MSANTD2: variants seen among roughly 807,000 people sequenced by gnomAD.
The protein encoded by MSANTD2 is myb/SANT-like DNA-binding domain-containing protein 2.
Under a neutral mutation model 52.6 loss-of-function variants are expected in MSANTD2, and 19 were observed. The ratio of observed to expected loss-of-function variants is 0.36; its 90% CI spans 0.25 to 0.53. MSANTD2 has a LOEUF of 0.53. MSANTD2 is among the 20% of genes least tolerant of loss of function. The pLI is 0.91. For synonymous variants in MSANTD2, 291 were observed against 289.7 expected (o/e 1.00, Z -0.04); for missense variants, 558 against 716.3 (o/e 0.78, Z 2.52).
Position 124,800,009 on chromosome 11 carries a change from C to T in MSANTD2, c.372G>A (p.Ala124=), listed in dbSNP as rs1190769626. 2.5e-6 allele frequency: 4 copies of T among 1,582,606 alleles called. No homozygotes were observed. Among genetic ancestry groups the T allele is most frequent in the Non-Finnish European group, 3.4e-6 (4 of 1,173,962 alleles). ...CGGCTCCCTCCAGCTGCTGGTACCG[C>T]GCCTCCACCAGCCGCTCGTTGCCCC... is the stretch of plus-strand genomic sequence containing the variant. The part of the protein sequence containing the change: ...AVWGNERLVE[A]RYQQLEGAGT... Residue 124 remains alanine, a synonymous_variant, in exon 1 of 4, where the codon GCG becomes GCA. Transcript: ENST00000374979. This position sits in a 1 kb window ranked among gnomAD's most constrained non-coding sequence, Gnocchi z 4.3.
At chr11:124,791,477 G>T in intron 1 of MSANTD2, 1 of 1,133,136 alleles carries the variant, frequency 8.8e-7, no homozygotes. Flanking sequence ...GGTCAGGCGA[G>T]TCACTCTCCT....
chr11:124,774,780 T>G lies in MSANTD2; in HGVS notation c.705A>C (p.Ser235=). ...GACTGTGGTTTCCCCAGTCCTCCTG[T>G]GAATAGTCCTCCATAGTGCTGCCAT... ...ESDGSTMEDY[S]QEDWGNHSQD... The change falls in exon 2 of 4, where the codon TCA becomes TCC. Residue 235 remains serine (S), a synonymous_variant. Transcript: ENST00000374979. This position sits in a 1 kb window ranked among gnomAD's most constrained non-coding sequence, Gnocchi z 5.1. 1 of 1,614,222 alleles carries G rather than the reference T, an allele frequency of 6.2e-7. No individual in the cohort carries two copies. The highest frequency in any genetic ancestry group is 1.3e-5 in the African/African-American group (1 of 75,050).
chr11:124,793,872 G>GC (rs1025630395), intron 1 of MSANTD2, among the ~76,000 whole-genome samples: 20 of 152,056 alleles, frequency 1.3e-4, no homozygotes, highest in Non-Finnish European at 2.5e-4. Flanking sequence ...GGAACTTTGA[G>GC]CTCCCCCTAG....
In MSANTD2 at chr11:124,777,331, G is replaced by C. The variant is rs114033725; in HGVS notation, c.511-2357C>G. Among the ~76,000 whole-genome samples, 61 of 152,302 alleles carry C rather than the reference G, an allele frequency of 4.0e-4. 1 individual carries two copies. The South Asian group carries it at 0.011, about 27-fold the overall frequency. On this transcript the variant is annotated intron_variant, in intron 1 of 3. Coordinates refer to ENST00000374979, the MANE Select transcript of MSANTD2 (RefSeq NM_001308027.2). The stretch of plus-strand genomic sequence containing the variant: ...AGCATTCAGCACACACAAGGGCCCA[G>C]TTGGCTCTGTTGCTGACGGTTATTT...
chr11:124,784,413 G>A (rs1293165995), intron 1 of MSANTD2: 21 of 985,154 alleles, frequency 2.1e-5, no homozygotes, highest in Non-Finnish European at 2.5e-5. Flanking sequence ...ACCAGTCTTC[G>A]TTAAAGTACT....
intron 1 of MSANTD2, chr11:124,790,985 T>C (rs1945313773): frequency 2.7e-6 from 1 of 374,482 alleles, no homozygotes. Flanking sequence ...AGTCCTCTTT[T>C]ATTTAACTGT....
At chr11:124,798,262 T>TAAAAAA (rs1945560246) in intron 1 of MSANTD2, among the ~76,000 whole-genome samples, 1 of 116,616 alleles carries the variant, frequency 8.6e-6, no homozygotes, top group African/African-American at 4.4e-5. Context: ...AAAAAAAAAT[T>TAAAAAA]TAATGAGCCA....
chr11:124,785,494 T>C (rs970286929), intron 1 of MSANTD2, among the ~76,000 whole-genome samples: 1 of 152,214 alleles, frequency 6.6e-6, no homozygotes, highest in Non-Finnish European at 1.5e-5. Flanking sequence ...CAATGAGGTA[T>C]GGAACTCAGG....
At chr11:124,770,640 C>T (rs538027994) in intron 3 of MSANTD2, among the ~76,000 whole-genome samples, 16 of 152,154 alleles carry the variant, frequency 1.1e-4, no homozygotes, top group Admixed American at 2.0e-4. Flanking sequence ...GAGTCTTACT[C>T]TGTTATCCAG....
At chr11:124,769,591 T>C (rs1372008050) in intron 3 of MSANTD2, among the ~76,000 whole-genome samples, 2 of 152,160 alleles carry the variant, frequency 1.3e-5, no homozygotes, top group Non-Finnish European at 2.9e-5. Context: ...TGCTAAGGAG[T>C]TGGGATGGAG....
chr11:124,787,633 G>A (rs966729784), intron 1 of MSANTD2, among the ~76,000 whole-genome samples: 2 of 152,212 alleles, frequency 1.3e-5, no homozygotes, highest in Non-Finnish European at 2.9e-5. Flanking sequence ...TTTATTCAAA[G>A]TATTTCACAC....
chr11:124,793,326 T>A (rs1312377975), intron 1 of MSANTD2, among the ~76,000 whole-genome samples: 4 of 152,202 alleles, frequency 2.6e-5, no homozygotes, highest in Admixed American at 1.3e-4. Flanking sequence ...TATCGCCAAC[T>A]CTCATCATAT....
rs953207189 is a variant in MSANTD2 at position 124,800,138 on chromosome 11, G to A, written c.243C>T (p.Ser81=). 4 of 1,479,564 alleles carry A rather than the reference G, an allele frequency of 2.7e-6. No homozygotes were observed. The highest frequency in any genetic ancestry group is 1.3e-5 in the South Asian group (1 of 77,604). The allele number at this position is 1,479,564 out of a possible 1,614,324, so 91.7% of individuals were successfully genotyped here. A position where few individuals can be genotyped will look rare whatever the true frequency, so the allele number is the denominator to read the frequency against. Residue 81 remains serine, a synonymous_variant, in exon 1 of 4, where the codon TCC becomes TCT. Transcript: ENST00000374979. This position sits in a 1 kb window ranked among gnomAD's most constrained non-coding sequence, Gnocchi z 4.3. ...CGCCACCGCCGCCACCAGGGGAGAAGGAGACCGAGGACGAGGCGGCGCTGC... is the reference window on the plus strand; with the variant it reads ...CGCCACCGCCGCCACCAGGGGAGAAAGAGACCGAGGACGAGGCGGCGCTGC... ...GGRSAASSSV[S]FSPGGGGGGA...
At chr11:124,781,337 C>T (rs1387620891) in intron 1 of MSANTD2, among the ~76,000 whole-genome samples, 1 of 152,096 alleles carries the variant, frequency 6.6e-6, no homozygotes, top group Non-Finnish European at 1.5e-5. Context: ...TTATCTGTTC[C>T]AACTGCATCA....
At chr11:124,773,110 T>C (rs1344946740) in intron 2 of MSANTD2, 56 bp from the exon 3 acceptor site, 2 of 993,582 alleles carry the variant, frequency 2.0e-6, no homozygotes, top group African/African-American at 3.2e-5. Context: ...GGCATGCATG[T>C]ATGTAGATAA....
chr11:124,775,191 A>G (rs943756888), intron 1 of MSANTD2: 4 of 494,794 alleles, frequency 8.1e-6, no homozygotes, highest in Non-Finnish European at 1.4e-5. Flanking sequence ...TTTGCAATTA[A>G]TTATCCATTA....
chr11:124,776,886 C>T (rs1024457054), intron 1 of MSANTD2, among the ~76,000 whole-genome samples: 1 of 152,228 alleles, frequency 6.6e-6, no homozygotes, highest in African/African-American at 2.4e-5. Flanking sequence ...CAACGATACA[C>T]TCTTTTTAAA....
Position 124,800,152 on chromosome 11 carries a change from A to G in MSANTD2, c.229T>C (p.Ser77Pro). 6.8e-7 allele frequency: 1 copy of G among 1,473,264 alleles called. No homozygotes were observed. The highest frequency in any genetic ancestry group is 8.9e-7 in the Non-Finnish European group (1 of 1,120,538). 91.3% of individuals were successfully genotyped at this position (1,473,264 alleles called of 1,614,324 possible). Residue 77 changes from serine to proline, a missense_variant, in exon 1 of 4, where the codon TCG becomes CCG. Around this residue, in one of 2 missense-constraint regions of MSANTD2, gnomAD observed 150 missense variants for 142.7 expected, o/e 1.05. Transcript: ENST00000374979. The surrounding 1 kb of genome is among the most constrained non-coding windows in gnomAD (Gnocchi z 4.3). ...GLGLGGRSAA[S>P]SSVSFSPGGG... is the part of the protein sequence containing the mutation. Reference sequence around the variant, plus strand: ...CCAGGGGAGAAGGAGACCGAGGACGAGGCGGCGCTGCGGCCCCCCAGCCCC... The same window carrying G: ...CCAGGGGAGAAGGAGACCGAGGACGGGGCGGCGCTGCGGCCCCCCAGCCCC...
intron 1 of MSANTD2, among the ~76,000 whole-genome samples, chr11:124,780,859 G>A (rs912095735): frequency 5.3e-5 from 8 of 152,086 alleles, no homozygotes; most frequent in East Asian, 1.9e-4. Flanking sequence ...CCAAATTCCC[G>A]TTTCTTGAAG....
Sources: allele counts gnomAD v4.1 joint callset (sites outside exome capture counted in the v4.1 genomes callset), GRCh38; gene constraint gnomAD v4.1.1; regional missense constraint gnomAD v4.1.1; non-coding constraint Gnocchi (gnomAD v3.1); transcripts MANE v1.5; gene names NCBI Gene and HGNC (gene_info 2026-07-23, HGNC 2026-07-21).